CALN1: variants seen among roughly 807,000 people sequenced by gnomAD.
CALN1 encodes the protein calcium-binding protein 8.
Under a neutral mutation model 30.6 loss-of-function variants are expected in CALN1, and 17 were observed. That is an observed-to-expected ratio of 0.56 (90% CI 0.38 to 0.83). CALN1 has a LOEUF of 0.83. Ranked by LOEUF, CALN1 falls within the 40% of genes least tolerant of loss-of-function variation. The pLI, the probability that CALN1 is intolerant of heterozygous loss-of-function variation, is 0.00. For synonymous variants in CALN1, 156 were observed against 131.4 expected, an observed-to-expected ratio of 1.19 and a Z score of -1.28; for missense variants, 291 against 354.9, an observed-to-expected ratio of 0.82 and a Z score of 1.45.
chr7:72,266,104 A>G (rs1207877831), intron 3 of CALN1, among the ~76,000 whole-genome samples: 1 of 152,086 alleles, frequency 6.6e-6, no homozygotes, highest in Non-Finnish European at 1.5e-5. Context: ...ACCACATTCC[A>G]GCCTGGACAA....
chr7:72,287,785 T>G (rs1204065816), intron 2 of CALN1, among the ~76,000 whole-genome samples: 1 of 152,096 alleles, frequency 6.6e-6, no homozygotes, highest in Non-Finnish European at 1.5e-5. Flanking sequence ...CCATTGTATA[T>G]AAATTACACA....
chr7:72,008,592 T>C (rs1399122788), intron 5 of CALN1, among the ~76,000 whole-genome samples: 1 of 150,442 alleles, frequency 6.6e-6, no homozygotes, highest in Admixed American at 6.6e-5. Flanking sequence ...TTCCCCAAAA[T>C]CACTAAAATA....
rs1308291201 is a variant in CALN1, at chr7:71,786,906, A to T, written c.*869T>A. 6.5e-5 allele frequency: 10 copies of T among 152,730 alleles called. No individual in the cohort carries two copies. The highest frequency in any genetic ancestry group is 2.2e-4 in the African/African-American group (9 of 41,550). 9.5% of individuals were successfully genotyped at this position (152,730 alleles called of 1,614,324 possible). A position where few individuals can be genotyped will look rare whatever the true frequency, so the allele number is the denominator to read the frequency against. On this transcript the variant is annotated 3_prime_UTR_variant, in exon 7 of 7. Coordinates refer to ENST00000395275, the MANE Select transcript of CALN1 (RefSeq NM_031468.4). ...TGAGTGTGGGAGGGAGGACAAGCTT[A>T]TATTAGGTGTAAGCGATTAGGGAAG...
chr7:72,233,244 T>C (rs1246913502), intron 3 of CALN1, among the ~76,000 whole-genome samples: 2 of 148,290 alleles, frequency 1.3e-5, no homozygotes, highest in Middle Eastern at 3.3e-3. Context: ...AGGAGATCAT[T>C]TGAGTAAAGG....
At chr7:72,321,258 C>T (rs575450642) in intron 2 of CALN1, among the ~76,000 whole-genome samples, 2 of 152,254 alleles carry the variant, frequency 1.3e-5, no homozygotes, top group South Asian at 2.1e-4. Context: ...GGCAGGAAAC[C>T]GTCCCTGTCG....
At chr7:71,954,396 G>A (rs1047553752) in intron 5 of CALN1, among the ~76,000 whole-genome samples, 2 of 152,248 alleles carry the variant, frequency 1.3e-5, no homozygotes, top group East Asian at 1.9e-4. Flanking sequence ...GGAGATGGAG[G>A]TTGCAGTGAG....
At chr7:72,010,927 G>A (rs1476292785) in intron 5 of CALN1, among the ~76,000 whole-genome samples, 1 of 152,030 alleles carries the variant, frequency 6.6e-6, no homozygotes, top group Non-Finnish European at 1.5e-5. Flanking sequence ...GGCTGAGGTG[G>A]GCGGATCATG....
rs560020641 is a variant in CALN1, at chr7:71,971,275, C to G, written c.501+52382G>C. ...ACCAGCCTGGCCAACATGGTGAAAC[C>G]CCGTCTCTACTAAAAATACAAAAAA... On this transcript the variant is annotated intron_variant, in intron 5 of 6. Transcript: ENST00000395275. Among the ~76,000 whole-genome samples the G allele has an allele frequency of 2.0e-5, 3 of 152,234 alleles. No homozygotes were observed. The South Asian group carries it at 6.2e-4, about 32-fold the overall frequency.
At chr7:72,224,939 A>AC (rs1491275669) in intron 3 of CALN1, among the ~76,000 whole-genome samples, 7 of 150,108 alleles carry the variant, frequency 4.7e-5, no homozygotes, top group African/African-American at 9.7e-5. Context: ...ACACACACAC[A>AC]AAAAAAAAAT....
rs535251965 is a variant in CALN1 at position 72,032,248 on chromosome 7, T to C, written c.389-8479A>G. On this transcript the variant is annotated intron_variant, in intron 4 of 6. Transcript: ENST00000395275. ...TAATTTTTTGTATTTTTAGCAGAGATGGGGTTTCATCGTGGTCTCGATCTC... is the reference window on the plus strand; with the variant it reads ...TAATTTTTTGTATTTTTAGCAGAGACGGGGTTTCATCGTGGTCTCGATCTC... Among the ~76,000 whole-genome samples, 4 of 151,438 alleles carry C rather than the reference T, an allele frequency of 2.6e-5. No individual in the cohort carries two copies. In the South Asian group the frequency reaches 8.4e-4, roughly 32 times the overall value.
At chr7:72,149,142 G>A (rs1322176641) in intron 3 of CALN1, among the ~76,000 whole-genome samples, 2 of 152,010 alleles carry the variant, frequency 1.3e-5, no homozygotes, top group African/African-American at 4.8e-5. Flanking sequence ...TATGCTTCCT[G>A]TACAGCCTGC....
intron 3 of CALN1, among the ~76,000 whole-genome samples, chr7:72,143,826 T>C (rs1810143548): frequency 1.3e-5 from 2 of 152,184 alleles, no homozygotes; most frequent in Admixed American, 6.5e-5. Context: ...ATATTCAACA[T>C]TCTTAAAGAA....
At chr7:72,130,300 G>C (rs1809047383) in intron 3 of CALN1, among the ~76,000 whole-genome samples, 1 of 152,226 alleles carries the variant, frequency 6.6e-6, no homozygotes, top group South Asian at 2.1e-4. Flanking sequence ...TGTTAAAAGA[G>C]TAAGCTAAGC....
At chr7:72,296,768 G>A (rs976323801) in intron 2 of CALN1, among the ~76,000 whole-genome samples, 5 of 150,266 alleles carry the variant, frequency 3.3e-5, no homozygotes, top group Admixed American at 6.7e-5. Flanking sequence ...TATTAGTCTT[G>A]CTAGCGGTCT....
intron 5 of CALN1, among the ~76,000 whole-genome samples, chr7:71,958,363 C>T (rs1008906485): frequency 3.3e-5 from 5 of 152,124 alleles, no homozygotes; most frequent in Non-Finnish European, 7.3e-5. Flanking sequence ...TTGATCCATT[C>T]TCTGTCTCAT....
At chr7:71,937,367 T>C (rs1795896122) in intron 5 of CALN1, among the ~76,000 whole-genome samples, 1 of 151,936 alleles carries the variant, frequency 6.6e-6, no homozygotes, top group Non-Finnish European at 1.5e-5. Flanking sequence ...TGTATATATG[T>C]AGATACACAT....
At chr7:72,005,509 T>G (rs1018644255) in intron 5 of CALN1, among the ~76,000 whole-genome samples, 1 of 151,888 alleles carries the variant, frequency 6.6e-6, no homozygotes, top group Non-Finnish European at 1.5e-5. Context: ...ATGCATTTTT[T>G]AAATAGAGAT....
chr7:71,832,354 A>G (rs1789338469), intron 5 of CALN1, among the ~76,000 whole-genome samples: 1 of 152,200 alleles, frequency 6.6e-6, no homozygotes, highest in Admixed American at 6.5e-5. Flanking sequence ...TGGGGTTTTG[A>G]AGGGGACGGA....
At chr7:71,954,667 G>T (rs1369926192) in intron 5 of CALN1, among the ~76,000 whole-genome samples, 1 of 152,070 alleles carries the variant, frequency 6.6e-6, no homozygotes, top group Non-Finnish European at 1.5e-5. Context: ...TTAAAAAGAA[G>T]ATACGGATTG....
Sources: gnomAD v4.1 joint callset for allele counts (sites outside exome capture counted in the v4.1 genomes callset) on GRCh38, gnomAD v4.1.1 for gene constraint, MANE v1.5 for transcripts, NCBI Gene and HGNC (gene_info 2026-07-23, HGNC 2026-07-21) for gene names.